The following GRID2 variants were observed in gnomAD, a reference collection of about 807,000 sequenced individuals.
GRID2 encodes the protein glutamate ionotropic receptor delta type subunit 2.
GRID2 carries 33 observed loss-of-function variants against 114.8 expected under a neutral mutation model. That is an observed-to-expected ratio of 0.29 (90% CI 0.22 to 0.38). GRID2 has a LOEUF of 0.38. Among genes scored for constraint, GRID2 ranks in the 10% least tolerant of loss-of-function variants. The pLI, the probability that GRID2 is intolerant of heterozygous loss-of-function variation, is 1.00. For synonymous variants in GRID2, 505 were observed against 449.9 expected, an observed-to-expected ratio of 1.12 and a Z score of -1.55; for missense variants, 1,184 against 1,257.7, an observed-to-expected ratio of 0.94 and a Z score of 0.89.
intron 2 of GRID2, among the ~76,000 whole-genome samples, chr4:92,740,056 T>C (rs1736796485): frequency 6.6e-6 from 1 of 152,200 alleles, no homozygotes; most frequent in Non-Finnish European, 1.5e-5. Flanking sequence ...CCATCTTCTT[T>C]CAACTCAGTT....
At chr4:92,795,482 G>C (rs111259129) in intron 2 of GRID2, among the ~76,000 whole-genome samples, 10 of 152,000 alleles carry the variant, frequency 6.6e-5, no homozygotes, top group African/African-American at 2.4e-4. Context: ...CCAGTCTCAC[G>C]TATGTCTTTA....
chr4:93,243,741 A>T (rs1027624451), intron 8 of GRID2, among the ~76,000 whole-genome samples: 10 of 152,070 alleles, frequency 6.6e-5, no homozygotes, highest in East Asian at 1.9e-4. Flanking sequence ...ACTGATGTTC[A>T]TCTAAATTAA....
intron 4 of GRID2, among the ~76,000 whole-genome samples, chr4:93,190,501 C>A (rs1202284176): frequency 6.6e-6 from 1 of 152,090 alleles, no homozygotes; most frequent in Non-Finnish European, 1.5e-5. Flanking sequence ...TTTCAAACAG[C>A]AAATATTTGA....
intron 14 of GRID2, among the ~76,000 whole-genome samples, chr4:93,735,164 A>G (rs556270923): frequency 6.6e-6 from 1 of 152,108 alleles, no homozygotes; most frequent in South Asian, 2.1e-4. Context: ...TTAAGTAAAA[A>G]AGACCAAAGG....
chr4:93,632,939 T>A (rs565462519), intron 14 of GRID2, among the ~76,000 whole-genome samples: 1 of 152,300 alleles, frequency 6.6e-6, no homozygotes, highest in South Asian at 2.1e-4. Context: ...TCACATCCCT[T>A]GTAAGTTGGA....
At chr4:92,437,234 A>G (rs985606420) in intron 1 of GRID2, among the ~76,000 whole-genome samples, 2 of 152,168 alleles carry the variant, frequency 1.3e-5, no homozygotes, top group African/African-American at 4.8e-5. Flanking sequence ...TCACCGACGA[A>G]TGATTGGAAA....
chr4:93,679,849 A>G (rs1318891011), intron 14 of GRID2, among the ~76,000 whole-genome samples: 1 of 151,088 alleles, frequency 6.6e-6, no homozygotes, highest in Non-Finnish European at 1.5e-5. Context: ...TTGACACCCT[A>G]ACATCACAAT....
At chr4:93,115,312 A>C (rs1733135857) in intron 4 of GRID2, among the ~76,000 whole-genome samples, 1 of 151,840 alleles carries the variant, frequency 6.6e-6, no homozygotes, top group Admixed American at 6.6e-5. Context: ...AAGGTTCAAC[A>C]AGGTAATATC....
intron 13 of GRID2, among the ~76,000 whole-genome samples, chr4:93,543,337 A>G (rs557243581): frequency 6.6e-6 from 1 of 152,204 alleles, no homozygotes; most frequent in Non-Finnish European, 1.5e-5. Flanking sequence ...ACATTTTAAA[A>G]GCTGATTTTT....
intron 2 of GRID2, among the ~76,000 whole-genome samples, chr4:92,865,658 CTT>C (rs1744804608): frequency 6.6e-6 from 1 of 152,166 alleles, no homozygotes; most frequent in Admixed American, 6.5e-5. Context: ...CAGTTTCACT[CTT>C]TGGCCAATTT....
At chr4:93,458,925 A>T (rs1723455136) in intron 11 of GRID2, among the ~76,000 whole-genome samples, 1 of 152,106 alleles carries the variant, frequency 6.6e-6, no homozygotes, top group South Asian at 2.1e-4. Flanking sequence ...ATGGTGGCAC[A>T]TGCCAGCACT....
At chr4:92,659,458 C>A (rs1732414056) in intron 2 of GRID2, among the ~76,000 whole-genome samples, 5 of 151,498 alleles carry the variant, frequency 3.3e-5, no homozygotes, top group Middle Eastern at 3.4e-3. Flanking sequence ...CAGATCTCGA[C>A]TTTAGAATGT....
intron 2 of GRID2, among the ~76,000 whole-genome samples, chr4:92,962,577 T>G (rs1752893092): frequency 6.6e-6 from 1 of 151,976 alleles, no homozygotes; most frequent in African/African-American, 2.4e-5. Flanking sequence ...AGTTAAACAG[T>G]TTCCCCAGGG....
At chr4:93,792,378 C>T (rs900236931) in intron 1 of GRID2, among the ~76,000 whole-genome samples, 1 of 152,078 alleles carries the variant, frequency 6.6e-6, no homozygotes, top group Non-Finnish European at 1.5e-5. Context: ...CTCTTATGTG[C>T]TCTGTTCATC....
intron 2 of GRID2, among the ~76,000 whole-genome samples, chr4:92,663,642 C>A (rs150796762): frequency 6.6e-6 from 1 of 150,956 alleles, no homozygotes; most frequent in Non-Finnish European, 1.5e-5. Flanking sequence ...TTGGTAAGTA[C>A]AAATGGTATA....
At chr4:93,031,417 C>A (rs1402947948) in intron 2 of GRID2, among the ~76,000 whole-genome samples, 1 of 152,096 alleles carries the variant, frequency 6.6e-6, no homozygotes, top group Non-Finnish European at 1.5e-5. Flanking sequence ...TAATTCTTCC[C>A]CTGCTGCCTG....
At chr4:93,691,516 T>C (rs6846733) in intron 14 of GRID2, among the ~76,000 whole-genome samples, 85,260 of 151,862 alleles carry the variant, frequency 0.56, 24,455 homozygotes, top group East Asian at 0.72. Context: ...AACTTTGCTG[T>C]TTATTAGCTT....
chr4:92,472,184 C>CT (rs1303478317), intron 1 of GRID2, among the ~76,000 whole-genome samples: 4 of 148,548 alleles, frequency 2.7e-5, no homozygotes, highest in Admixed American at 6.7e-5. Flanking sequence ...CCGCCCGCCT[C>CT]GGCCTCCCAA....
chr4:92,564,201 G>A (rs1480484751), intron 1 of GRID2, among the ~76,000 whole-genome samples: 1 of 151,754 alleles, frequency 6.6e-6, no homozygotes, highest in Non-Finnish European at 1.5e-5. Context: ...TCATCCATAT[G>A]GGGAAAAATA....
Sources: allele counts gnomAD v4.1 joint callset (sites outside exome capture counted in the v4.1 genomes callset), GRCh38; gene constraint gnomAD v4.1.1; transcripts MANE v1.5; gene names NCBI Gene and HGNC (gene_info 2026-07-23, HGNC 2026-07-21).